The following UNC5C variants were observed in gnomAD, a reference collection of about 807,000 sequenced individuals.
The protein encoded by UNC5C is netrin receptor UNC5C.
In UNC5C, 47 loss-of-function variants were observed where a neutral mutation model predicts 99.8. The observed-to-expected ratio is 0.47, with a 90% CI of 0.37 to 0.60. UNC5C has a LOEUF of 0.60. Among genes scored for constraint, UNC5C ranks in the 20% least tolerant of loss-of-function variants. The pLI is 0.00. For missense variants in UNC5C, 1,062 were observed against 1,165.9 expected (o/e 0.91, Z 1.30); for synonymous variants, 487 against 452.2 (o/e 1.08, Z -0.98).
At chr4:95,407,094 G>A (rs1010641441) in intron 1 of UNC5C, among the ~76,000 whole-genome samples, 6 of 152,078 alleles carry the variant, frequency 3.9e-5, no homozygotes, top group African/African-American at 7.2e-5. Flanking sequence ...CTAGAACAAA[G>A]AGAATGGGAG....
chr4:95,208,940 A>G (rs950975170), intron 10 of UNC5C, among the ~76,000 whole-genome samples: 3 of 152,156 alleles, frequency 2.0e-5, no homozygotes, highest in African/African-American at 7.2e-5. Context: ...AGCAGTTGTT[A>G]TTATTGTTAA....
intron 1 of UNC5C, among the ~76,000 whole-genome samples, chr4:95,472,702 C>G (rs1391414257): frequency 6.6e-6 from 1 of 152,018 alleles, no homozygotes; most frequent in African/African-American, 2.4e-5. Context: ...AAGTGCCATT[C>G]CAGACACCAG....
At chr4:95,324,532 C>T (rs767149732) in intron 2 of UNC5C, among the ~76,000 whole-genome samples, 6 of 152,084 alleles carry the variant, frequency 3.9e-5, no homozygotes, top group Non-Finnish European at 7.4e-5. Context: ...AATTGTTTTC[C>T]ATGAAAACGG....
intron 1 of UNC5C, among the ~76,000 whole-genome samples, chr4:95,511,457 T>A (rs1560489232): frequency 6.6e-6 from 1 of 152,106 alleles, no homozygotes; most frequent in Non-Finnish European, 1.5e-5. Flanking sequence ...GCCATTAGTA[T>A]TAAAAGTGTT....
intron 3 of UNC5C, among the ~76,000 whole-genome samples, chr4:95,280,923 C>T (rs573749113): frequency 1.4e-4 from 22 of 152,116 alleles, no homozygotes; most frequent in Non-Finnish European, 2.2e-4. Flanking sequence ...TTGTACTCTT[C>T]CAATGGAAAC....
intron 1 of UNC5C, among the ~76,000 whole-genome samples, chr4:95,379,619 G>C (rs1349355153): frequency 6.6e-6 from 1 of 152,196 alleles, no homozygotes; most frequent in Non-Finnish European, 1.5e-5. Context: ...ACTCTGGAGA[G>C]CTTGCCTTCC....
chr4:95,539,218 C>T (rs1722855356), intron 1 of UNC5C, among the ~76,000 whole-genome samples: 1 of 152,196 alleles, frequency 6.6e-6, no homozygotes, highest in Non-Finnish European at 1.5e-5. Context: ...TAAAAGTCGA[C>T]AGTCTCCTTT....
intron 1 of UNC5C, among the ~76,000 whole-genome samples, chr4:95,530,782 GA>G (rs572208401): frequency 2.3e-4 from 35 of 151,882 alleles, no homozygotes; most frequent in Admixed American, 1.1e-3. Flanking sequence ...GGACTTTTCA[GA>G]AAAAAAAGTG....
intron 1 of UNC5C, among the ~76,000 whole-genome samples, chr4:95,483,323 T>G (rs1341700762): frequency 6.6e-6 from 1 of 151,858 alleles, no homozygotes; most frequent in Non-Finnish European, 1.5e-5. Context: ...TAAAGTCAGA[T>G]CAGCACTTTT....
chr4:95,268,783 C>T (rs984431573), intron 4 of UNC5C, among the ~76,000 whole-genome samples: 5 of 152,162 alleles, frequency 3.3e-5, no homozygotes, highest in East Asian at 1.9e-4. Flanking sequence ...CCACGTCTAT[C>T]AGAAAGGTTA....
intron 1 of UNC5C, among the ~76,000 whole-genome samples, chr4:95,392,746 G>A (rs553234888): frequency 1.4e-4 from 21 of 152,118 alleles, no homozygotes; most frequent in Non-Finnish European, 3.1e-4. Context: ...TGGCTGAAAC[G>A]CTTTTTCGAT....
intron 2 of UNC5C, among the ~76,000 whole-genome samples, chr4:95,332,516 A>G (rs979698892): frequency 1.1e-4 from 17 of 151,686 alleles, no homozygotes; most frequent in African/African-American, 3.9e-4. Context: ...CTGGCTAGCC[A>G]TATGTAGAAA....
At chr4:95,270,212 T>G (rs567357556) in intron 4 of UNC5C, among the ~76,000 whole-genome samples, 1 of 152,360 alleles carries the variant, frequency 6.6e-6, no homozygotes, top group African/African-American at 2.4e-5. Flanking sequence ...ATAATTATGC[T>G]GGATGTTCTC....
intron 1 of UNC5C, among the ~76,000 whole-genome samples, chr4:95,483,857 G>A (rs1195247427): frequency 6.6e-6 from 1 of 151,858 alleles, no homozygotes; most frequent in Non-Finnish European, 1.5e-5. Context: ...TCCAGTTCTT[G>A]AGGAATACGA....
At chr4:95,204,246 G>A (rs1423010684) in intron 11 of UNC5C, among the ~76,000 whole-genome samples, 1 of 152,206 alleles carries the variant, frequency 6.6e-6, no homozygotes, top group Admixed American at 6.5e-5. Context: ...TTAAAAAATA[G>A]TTACTAATTC....
At chr4:95,181,358 T>A (rs1736603271) in intron 14 of UNC5C, among the ~76,000 whole-genome samples, 1 of 152,208 alleles carries the variant, frequency 6.6e-6, no homozygotes, top group East Asian at 1.9e-4. Flanking sequence ...GTGGCAGCCC[T>A]GGCGCGGGAG....
rs564554880 is a variant in UNC5C, at chr4:95,201,559, C to G, written c.2136+1172G>C. 3.9e-5 allele frequency among the ~76,000 whole-genome samples: 6 copies of G among 152,188 alleles called. No homozygotes were observed. In the South Asian group the frequency reaches 1.2e-3, roughly 32 times the overall value. On this transcript the variant is annotated intron_variant, in intron 12 of 15. Coordinates refer to ENST00000453304, the MANE Select transcript of UNC5C (RefSeq NM_003728.4). ...GTAAAGGTCCATCTAGACAAAATTCCTATCTATTATTCTAGGCTTACCAGA... is the reference window on the plus strand; with the variant it reads ...GTAAAGGTCCATCTAGACAAAATTCGTATCTATTATTCTAGGCTTACCAGA...
chr4:95,475,220 C>T (rs987467483), intron 1 of UNC5C, among the ~76,000 whole-genome samples: 1 of 151,984 alleles, frequency 6.6e-6, no homozygotes, highest in Admixed American at 6.6e-5. Context: ...CTCCTCTTGA[C>T]TAAGATGATG....
chr4:95,528,574 A>G (rs1174997660), intron 1 of UNC5C, among the ~76,000 whole-genome samples: 1 of 152,194 alleles, frequency 6.6e-6, no homozygotes, highest in Non-Finnish European at 1.5e-5. Flanking sequence ...TGTTGCTGAG[A>G]GATGTGGTAA....
Sources: allele counts gnomAD v4.1 joint callset (sites outside exome capture counted in the v4.1 genomes callset), GRCh38; gene constraint gnomAD v4.1.1; transcripts MANE v1.5; gene names NCBI Gene and HGNC (gene_info 2026-07-23, HGNC 2026-07-21).